The following CNTNAP2 variants were observed in gnomAD, a reference collection of about 807,000 sequenced individuals.
The protein encoded by CNTNAP2 is contactin-associated protein-like 2.
Under a neutral mutation model 155.2 loss-of-function variants are expected in CNTNAP2, and 98 were observed. The ratio of observed to expected loss-of-function variants is 0.63; its 90% CI spans 0.54 to 0.75. The LOEUF is 0.75. Ranked by LOEUF, CNTNAP2 falls within the 30% of genes least tolerant of loss-of-function variation. The pLI, the probability that CNTNAP2 is intolerant of heterozygous loss-of-function variation, is 0.00. For synonymous variants in CNTNAP2, 651 were observed against 631.2 expected (o/e 1.03, Z -0.47); for missense variants, 1,727 against 1,688.1 (o/e 1.02, Z -0.40).
At chr7:146,628,529 A>C (rs1381196833) in intron 1 of CNTNAP2, among the ~76,000 whole-genome samples, 2 of 152,148 alleles carry the variant, frequency 1.3e-5, no homozygotes, top group African/African-American at 4.8e-5. Flanking sequence ...GGTAATGCAT[A>C]TGTTAAATAG....
chr7:146,835,523 T>G (rs933893210), intron 2 of CNTNAP2, among the ~76,000 whole-genome samples: 18 of 152,122 alleles, frequency 1.2e-4, no homozygotes, highest in Non-Finnish European at 1.9e-4. Context: ...TTTCAAAATT[T>G]TATGGAATTC....
chr7:147,016,134 A>G (rs1333974261), intron 3 of CNTNAP2, among the ~76,000 whole-genome samples: 4 of 152,096 alleles, frequency 2.6e-5, no homozygotes, highest in African/African-American at 9.7e-5. Context: ...CGACTTTTCA[A>G]AAACTTTCTG....
At chr7:146,988,768 G>C (rs554809742) in intron 3 of CNTNAP2, among the ~76,000 whole-genome samples, 40 of 152,264 alleles carry the variant, frequency 2.6e-4, no homozygotes, top group Middle Eastern at 3.4e-3. Context: ...TCATGTAATA[G>C]ATCTTAGGCT....
In CNTNAP2 at chr7:146,149,018, C is replaced by A. The variant is rs376303691; in HGVS notation, c.97+32045C>A. 8.8e-4 allele frequency among the ~76,000 whole-genome samples: 126 copies of A among 142,664 alleles called. 2 individuals are homozygous for A. In the South Asian group the frequency reaches 0.028, roughly 31 times the overall value. 93.6% of individuals were successfully genotyped at this position (142,664 alleles called of 152,430 possible). ...GACACAGGAAGGGGAACATCACACA[C>A]CGGGGCCTGTTGTGGGGTGGGGGGA... On this transcript the variant is annotated intron_variant, in intron 1 of 23. Coordinates refer to ENST00000361727, the MANE Select transcript of CNTNAP2 (RefSeq NM_014141.6).
intron 11 of CNTNAP2, among the ~76,000 whole-genome samples, chr7:147,526,007 A>G (rs1423586181): frequency 6.6e-6 from 1 of 152,004 alleles, no homozygotes; most frequent in African/African-American, 2.4e-5. Context: ...AGCCTGTCCA[A>G]CATGGTGAAA....
At chr7:146,666,344 G>A (rs1454013150) in intron 1 of CNTNAP2, among the ~76,000 whole-genome samples, 1 of 152,002 alleles carries the variant, frequency 6.6e-6, no homozygotes, top group East Asian at 1.9e-4. Flanking sequence ...TTTGTTTATG[G>A]CTAAATAGTA....
chr7:146,484,688 A>G (rs1244340833), intron 1 of CNTNAP2, among the ~76,000 whole-genome samples: 2 of 152,170 alleles, frequency 1.3e-5, no homozygotes, highest in East Asian at 3.9e-4. Flanking sequence ...CTTTGAAAGC[A>G]CACTTGTTTT....
chr7:147,905,709 C>A (rs1335055845), intron 14 of CNTNAP2, among the ~76,000 whole-genome samples: 1 of 152,132 alleles, frequency 6.6e-6, no homozygotes, highest in African/African-American at 2.4e-5. Context: ...AAGGCAAAAC[C>A]CCGTCTCTAC....
intron 10 of CNTNAP2, among the ~76,000 whole-genome samples, chr7:147,408,556 C>T (rs1003115568): frequency 3.9e-5 from 6 of 152,126 alleles, no homozygotes; most frequent in Admixed American, 3.9e-4. Flanking sequence ...GTCAGGAGAT[C>T]GAGACCATCC....
At chr7:147,972,992 CA>C (rs202067565) in intron 14 of CNTNAP2, among the ~76,000 whole-genome samples, 2 of 150,892 alleles carry the variant, frequency 1.3e-5, no homozygotes, top group Admixed American at 6.6e-5. Context: ...CCTGTCTCTA[CA>C]AAAAAAACAT....
chr7:147,764,599 TGAATGTAG>T (rs1797356909), intron 13 of CNTNAP2, among the ~76,000 whole-genome samples: 1 of 152,166 alleles, frequency 6.6e-6, no homozygotes. Context: ...TTCAAAAGGT[TGAATGTAG>T]GAAAAAAAAT....
intron 3 of CNTNAP2, among the ~76,000 whole-genome samples, chr7:146,897,171 G>GA (rs1356627917): frequency 6.6e-6 from 1 of 152,014 alleles, no homozygotes; most frequent in Admixed American, 6.6e-5. Flanking sequence ...CTAGAAATTG[G>GA]AAAATCAAGC....
chr7:146,141,363 A>C (rs1425892449), intron 1 of CNTNAP2, among the ~76,000 whole-genome samples: 1 of 152,136 alleles, frequency 6.6e-6, no homozygotes, highest in Non-Finnish European at 1.5e-5. Flanking sequence ...CATTGAAACA[A>C]TGTTTAAATT....
At chr7:147,233,356 A>G (rs1803727409) in intron 8 of CNTNAP2, among the ~76,000 whole-genome samples, 1 of 152,214 alleles carries the variant, frequency 6.6e-6, no homozygotes, top group Admixed American at 6.5e-5. Context: ...TGACTCACAG[A>G]GTCTGCAATA....
intron 18 of CNTNAP2, among the ~76,000 whole-genome samples, chr7:148,195,492 G>A (rs1182085544): frequency 6.6e-6 from 1 of 152,152 alleles, no homozygotes; most frequent in African/African-American, 2.4e-5. Context: ...TTCCTTCCCT[G>A]TAGTATTAAA....
intron 10 of CNTNAP2, among the ~76,000 whole-genome samples, chr7:147,447,299 T>C (rs922640234): frequency 6.6e-6 from 1 of 152,210 alleles, no homozygotes; most frequent in African/African-American, 2.4e-5. Context: ...TACATATGTA[T>C]GTTTGTATAT....
At chr7:147,668,231 A>G (rs944334731) in intron 13 of CNTNAP2, among the ~76,000 whole-genome samples, 1 of 152,242 alleles carries the variant, frequency 6.6e-6, no homozygotes, top group Non-Finnish European at 1.5e-5. Flanking sequence ...ACAGACCTCA[A>G]CAAACTCCTT....
At chr7:146,351,045 T>G (rs55643812) in intron 1 of CNTNAP2, among the ~76,000 whole-genome samples, 23,086 of 62,770 alleles carry the variant, frequency 0.37, 5,005 homozygotes, top group African/African-American at 0.66. Context: ...GGGGGGAGGG[T>G]GGAGGGATAG....
chr7:148,096,559 C>A (rs935223456), intron 15 of CNTNAP2, among the ~76,000 whole-genome samples: 5 of 151,744 alleles, frequency 3.3e-5, no homozygotes, highest in Admixed American at 2.0e-4. Context: ...ATGAAGCCAC[C>A]ACGTCATAAA....
Sources: gnomAD v4.1 joint callset for allele counts (sites outside exome capture counted in the v4.1 genomes callset) on GRCh38, gnomAD v4.1.1 for gene constraint, MANE v1.5 for transcripts, NCBI Gene and HGNC (gene_info 2026-07-23, HGNC 2026-07-21) for gene names.